Variants in SUCNR1 observed in about 807,000 individuals in gnomAD.
The protein encoded by SUCNR1 is succinate receptor 1, also known as G-protein coupled receptor 91.
Under a neutral mutation model 2.4 loss-of-function variants are expected in SUCNR1, and 5 were observed. The ratio of observed to expected loss-of-function variants is 2.07; its 90% confidence interval spans 1.08 to 4.36. The LOEUF is 4.36. Among genes scored for constraint, SUCNR1 ranks in the 30% most tolerant of loss-of-function variants. The pLI is 0.00. For synonymous variants in SUCNR1, 162 were observed against 143.9 expected, an observed-to-expected ratio of 1.13 and a Z score of -0.90; for missense variants, 373 against 399.2, an observed-to-expected ratio of 0.93 and a Z score of 0.56.
At chr3:151,880,479 C>CATT in intron 2 of SUCNR1, 80 bp from the exon 3 acceptor site, 1 of 1,059,834 alleles carries the variant, frequency 9.4e-7, no homozygotes, top group Non-Finnish European at 1.4e-6. Flanking sequence ...AAGTGTTTTT[C>CATT]ATTATTATTA....
chr3:151,878,602 G>A (rs1717991759), intron 1 of SUCNR1, among the ~76,000 whole-genome samples: 1 of 152,138 alleles, frequency 6.6e-6, no homozygotes, highest in South Asian at 2.1e-4. Flanking sequence ...CTCAAAGACA[G>A]AGTGAAACCC....
rs745576098 is a variant in SUCNR1, at chr3:151,880,906, C to A, written c.363C>A (p.Tyr121Ter). The A allele has an allele frequency of 6.2e-7, 1 of 1,614,070 alleles. No individual in the cohort carries two copies. The highest frequency in any genetic ancestry group is 1.1e-5 in the South Asian group (1 of 91,078). Residue 121 changes from tyrosine to a stop codon, truncating the protein, a stop_gained, in exon 3 of 3, where the codon TAC (tyrosine) becomes TAA (stop). Coordinates refer to ENST00000362032, the MANE Select transcript of SUCNR1 (RefSeq NM_033050.6). LOFTEE classifies it low-confidence loss of function (END_TRUNC). ...TCACTTTTATCAGCATAGATCGATA[C>A]TTGATAATTAAGTATCCTTTCCGAG... ...LFLTFISIDR[Y>*]LIIKYPFREH...
rs769702485 is a variant in SUCNR1 at position 151,881,478 on chromosome 3, A to C, written c.935A>C (p.His312Pro). ...GACATGCTGATGAATCAACTGAGACACAACTTCAAATCCCTTACATCCTTT... is the reference window on the plus strand; with the variant it reads ...GACATGCTGATGAATCAACTGAGACCCAACTTCAAATCCCTTACATCCTTT... ...FRDMLMNQLR[H>P]NFKSLTSFSR... is the part of the protein sequence containing the mutation. The change falls in exon 3 of 3, where the codon CAC becomes CCC. Residue 312 changes from histidine (H) to proline (P), a missense_variant. Physicochemically the swap from His to Pro is moderately conservative, Grantham distance 77 (BLOSUM62 -2). This residue lies in a region of SUCNR1 where 157 missense variants were observed against 178.7 expected (regional missense o/e 0.88). Coordinates refer to ENST00000362032, the MANE Select transcript of SUCNR1 (RefSeq NM_033050.6). 1 of 1,613,986 alleles carries C rather than the reference A, an allele frequency of 6.2e-7. No individual in the cohort carries two copies. Among genetic ancestry groups the C allele is most frequent in the Non-Finnish European group, 8.5e-7 (1 of 1,179,914 alleles).
In SUCNR1 at chr3:151,880,557, A is replaced by G; in HGVS notation, c.16-2A>G. Reference sequence around the variant, plus strand: ...TCCTTATATTTTCTCTCTCTTCTTTAGGCATGGAATGCAACTTGCAAAAAC... The same window carrying G: ...TCCTTATATTTTCTCTCTCTTCTTTGGGCATGGAATGCAACTTGCAAAAAC... On this transcript the variant is annotated splice_acceptor_variant, in intron 2 of 2. Transcript: ENST00000362032. LOFTEE classifies it high-confidence loss of function. The G allele has an allele frequency of 6.3e-7, 1 of 1,591,964 alleles. No homozygotes were observed. The highest frequency in any genetic ancestry group is 1.4e-5 in the African/African-American group (1 of 73,796).
rs556058093 is a variant in SUCNR1 at position 151,874,933 on chromosome 3, AAAAC to A, written c.-42+1234_-42+1237del. 3.7e-4 allele frequency among the ~76,000 whole-genome samples: 57 copies of A among 152,174 alleles called. 1 individual carries two copies. The South Asian group carries it at 0.011, about 29-fold the overall frequency. Reference sequence around the variant, plus strand: ...TATTTGTTTAATTGTGATGACTATAAAAACAAACAATTAAAAAGCTAAGAAACTA... The same window carrying A: ...TATTTGTTTAATTGTGATGACTATAAAAACAATTAAAAAGCTAAGAAACTA... On this transcript the variant is annotated intron_variant, in intron 1 of 2. Coordinates refer to ENST00000362032, the MANE Select transcript of SUCNR1 (RefSeq NM_033050.6).
chr3:151,880,538 T>G, intron 2 of SUCNR1, 21 bp from the exon 3 acceptor site: 1 of 1,562,490 alleles, frequency 6.4e-7, no homozygotes, highest in Non-Finnish European at 8.7e-7. Context: ...TTAATCCTTA[T>G]ATTTTCTCTC....
chr3:151,875,109 A>C (rs572803939), intron 1 of SUCNR1, among the ~76,000 whole-genome samples: 1 of 152,290 alleles, frequency 6.6e-6, no homozygotes, highest in South Asian at 2.1e-4. Flanking sequence ...TAATTCTAAC[A>C]GTTTTAGATA....
At chr3:151,875,368 T>C (rs1717891893) in intron 1 of SUCNR1, among the ~76,000 whole-genome samples, 1 of 152,108 alleles carries the variant, frequency 6.6e-6, no homozygotes, top group South Asian at 2.1e-4. Flanking sequence ...GATGCCACAC[T>C]AAAAACATAC....
chr3:151,879,917 G>C lies in SUCNR1; in HGVS notation c.15+10G>C, dbSNP rs748355054. Reference sequence around the variant, plus strand: ...CATGCTGGGGATCATGGTATGTTTAGAGACACAAAAGTGAATTCAAAATCT... The same window carrying C: ...CATGCTGGGGATCATGGTATGTTTACAGACACAAAAGTGAATTCAAAATCT... On this transcript the variant is annotated intron_variant, in intron 2 of 2. Coordinates refer to ENST00000362032, the MANE Select transcript of SUCNR1 (RefSeq NM_033050.6). 5.7e-6 allele frequency: 9 copies of C among 1,570,444 alleles called. No individual in the cohort carries two copies. Among genetic ancestry groups the C allele is most frequent in the Admixed American group, 5.4e-5 (3 of 55,172 alleles).
In SUCNR1 at chr3:151,880,610, A is replaced by G. The variant is rs558000411; in HGVS notation, c.67A>G (p.Lys23Glu). 1.8e-5 allele frequency: 29 copies of G among 1,613,058 alleles called. 1 individual carries two copies. The Admixed American group carries it at 2.7e-4, about 15-fold the overall frequency. Residue 23 changes from lysine to glutamate, a missense_variant, in exon 3 of 3, where the codon AAG becomes GAG. By Grantham distance (56) the Lys-to-Glu change is moderately conservative. Coordinates refer to ENST00000362032, the MANE Select transcript of SUCNR1 (RefSeq NM_033050.6). ...GCTGGCAGCAGAGGCTGCCCTGGAA[A>G]AGTACTACCTTTCCATTTTTTATGG... ...NWLAAEAALE[K>E]YYLSIFYGIE...
At chr3:151,874,187 C>T (rs1717852697) in intron 1 of SUCNR1, among the ~76,000 whole-genome samples, 1 of 122,286 alleles carries the variant, frequency 8.2e-6, no homozygotes, top group African/African-American at 3.1e-5. Context: ...GAGTTTCACT[C>T]TTGTCACCCA....
chr3:151,880,630 T>G lies in SUCNR1; in HGVS notation c.87T>G (p.Phe29Leu), dbSNP rs540877223. The G allele has an allele frequency of 7.4e-6, 12 of 1,614,054 alleles. No individual in the cohort carries two copies. In the East Asian group the frequency reaches 1.3e-4, roughly 18 times the overall value. Residue 29 changes from phenylalanine (F) to leucine (L), a missense_variant, in exon 3 of 3, where the codon TTT becomes TTG. Physicochemically the swap from Phe to Leu is conservative, Grantham distance 22 (BLOSUM62 0). Transcript: ENST00000362032. ...TGGAAAAGTACTACCTTTCCATTTT[T>G]TATGGGATTGAGTTCGTTGTGGGAG... ...AALEKYYLSIFYGIEFVVGVL... is the reference protein window; with the variant it reads ...AALEKYYLSILYGIEFVVGVL...
chr3:151,874,192 C>G (rs544997700), intron 1 of SUCNR1, among the ~76,000 whole-genome samples: 64 of 125,814 alleles, frequency 5.1e-4, no homozygotes, highest in Admixed American at 2.8e-3. Flanking sequence ...TCACTCTTGT[C>G]ACCCAGGCTA....
chr3:151,882,015 A>T lies in SUCNR1; in HGVS notation c.*467A>T, dbSNP rs1381090418. On this transcript the variant is annotated 3_prime_UTR_variant, in exon 3 of 3. Transcript: ENST00000362032. ...AAGCAAATGTAAAGTCAACAGTAAC[A>T]ATGATTAAGAAAGGAATATAATGAG... 6.5e-6 allele frequency: 1 copy of T among 153,870 alleles called. No individual in the cohort carries two copies. The highest frequency in any genetic ancestry group is 1.4e-5 in the Non-Finnish European group (1 of 69,152). 9.5% of individuals were successfully genotyped at this position (153,870 alleles called of 1,614,324 possible). A position where few individuals can be genotyped will look rare whatever the true frequency, so the allele number is the denominator to read the frequency against.
Position 151,881,770 on chromosome 3 carries a change from A to G in SUCNR1, c.*222A>G. On this transcript the variant is annotated 3_prime_UTR_variant, in exon 3 of 3. Transcript: ENST00000362032. ...CCTTATGTTTGGGCATGTAACTCCA[A>G]AATACTAGGTAGTATAAGGCTTTCT... 2 of 491,994 alleles carry G rather than the reference A, an allele frequency of 4.1e-6. No individual in the cohort carries two copies. The highest frequency in any genetic ancestry group is 7.2e-6 in the Non-Finnish European group (2 of 279,670). The allele number at this position is 491,994 out of a possible 1,614,324, so 30.5% of individuals were successfully genotyped here. A position where few individuals can be genotyped will look rare whatever the true frequency, so the allele number is the denominator to read the frequency against.
chr3:151,881,269 T>C lies in SUCNR1; in HGVS notation c.726T>C (p.Ser242=). ...NLVIMAVVIF[S]VLFTPYHVMR... is the part of the protein sequence containing the mutation. ...TCATCATGGCAGTGGTAATCTTCTC[T>C]GTGCTTTTTACACCCTATCACGTCA... Residue 242 remains serine (S), a synonymous_variant, in exon 3 of 3, where the codon TCT becomes TCC. Coordinates refer to ENST00000362032, the MANE Select transcript of SUCNR1 (RefSeq NM_033050.6). The C allele has an allele frequency of 6.2e-7, 1 of 1,614,240 alleles. No homozygotes were observed. Among genetic ancestry groups the C allele is most frequent in the Non-Finnish European group, 8.5e-7 (1 of 1,180,038 alleles).
Position 151,882,633 on chromosome 3 carries a change from G to C in SUCNR1, c.*1085G>C, listed in dbSNP as rs1241486548. 4 of 152,134 alleles carry C rather than the reference G, an allele frequency of 2.6e-5. No homozygotes were observed. The highest frequency in any genetic ancestry group is 7.2e-5 in the African/African-American group (3 of 41,440). 9.4% of individuals were successfully genotyped at this position (152,134 alleles called of 1,614,324 possible). ...GTAGCGAGAGCAAATCACATCTGGA[G>C]TGAGCCTTGTTTTCATGCAACATTA... On this transcript the variant is annotated 3_prime_UTR_variant, in exon 3 of 3. Transcript: ENST00000362032.
At position 151,881,663 on chromosome 3, in the gene SUCNR1, G is replaced by A; in HGVS notation, c.*115G>A. 5.3e-6 allele frequency: 5 copies of A among 935,278 alleles called. No homozygotes were observed. The highest frequency in any genetic ancestry group is 8.0e-6 in the Non-Finnish European group (5 of 628,844). The allele number at this position is 935,278 out of a possible 1,614,324, so 57.9% of individuals were successfully genotyped here. A position where few individuals can be genotyped will look rare whatever the true frequency, so the allele number is the denominator to read the frequency against. On this transcript the variant is annotated 3_prime_UTR_variant, in exon 3 of 3. Coordinates refer to ENST00000362032, the MANE Select transcript of SUCNR1 (RefSeq NM_033050.6). ...AGATTTAACCTTGATCTAAAGACAA[G>A]TTGTACCCAGAGTATGTGAAAAGAA...
At chr3:151,874,154 T>G (rs1170539132) in intron 1 of SUCNR1, among the ~76,000 whole-genome samples, 2 of 81,206 alleles carry the variant, frequency 2.5e-5, no homozygotes, top group African/African-American at 8.6e-5. Flanking sequence ...ATATTTTTTT[T>G]TTTTTTTTTT....
Sources: allele counts gnomAD v4.1 joint callset (sites outside exome capture counted in the v4.1 genomes callset), GRCh38; gene constraint gnomAD v4.1.1; regional missense constraint gnomAD v4.1.1; transcripts MANE v1.5; gene names NCBI Gene and HGNC (gene_info 2026-07-23, HGNC 2026-07-21).